Variants in B3GALT1 observed in about 807,000 individuals in gnomAD.
B3GALT1 encodes the protein UDP-Gal:betaGlcNAc beta 1,3-galactosyltransferase, polypeptide 1.
A neutral mutation model predicts 23.2 loss-of-function variants in B3GALT1; 10 were observed. The observed-to-expected ratio is 0.43, with a 90% CI of 0.27 to 0.73. B3GALT1 has a LOEUF of 0.73. Among genes scored for constraint, B3GALT1 ranks in the 30% least tolerant of loss-of-function variants. The pLI is 0.21. For synonymous variants in B3GALT1, 156 were observed against 141.5 expected (o/e 1.10, Z -0.73); for missense variants, 299 against 405.4 (o/e 0.74, Z 2.25).
intron 4 of B3GALT1, among the ~76,000 whole-genome samples, chr2:167,840,618 C>T (rs1365342137): frequency 5.3e-5 from 8 of 149,834 alleles, no homozygotes; most frequent in Non-Finnish European, 8.9e-5. Flanking sequence ...GTCAGTGTGG[C>T]GATTCCTCAG....
At chr2:167,393,926 T>G (rs928003220) in intron 1 of B3GALT1, among the ~76,000 whole-genome samples, 1 of 152,180 alleles carries the variant, frequency 6.6e-6, no homozygotes, top group African/African-American at 2.4e-5. Context: ...ACAATTTAAT[T>G]TTTACAATGT....
chr2:167,501,400 A>G (rs1699845744), intron 2 of B3GALT1, among the ~76,000 whole-genome samples: 1 of 152,126 alleles, frequency 6.6e-6, no homozygotes, highest in Non-Finnish European at 1.5e-5. Context: ...ATAATAATAC[A>G]TAAGATGTTC....
chr2:167,383,042 G>GATGTACACCTTGAATACCCTGACTTGATC, intron 1 of B3GALT1, among the ~76,000 whole-genome samples: 3 of 152,120 alleles, frequency 2.0e-5, no homozygotes, highest in African/African-American at 7.2e-5. Context: ...GTACTTGGAT[G>GATGTACACCTTGAATACCCTGACTTGATC]ATGTACACCT....
chr2:167,784,016 G>C (rs1163693014), intron 3 of B3GALT1, among the ~76,000 whole-genome samples: 1 of 152,180 alleles, frequency 6.6e-6, no homozygotes, highest in Non-Finnish European at 1.5e-5. Flanking sequence ...GAAGTAGATG[G>C]CTTTGAGGAA....
At chr2:167,778,907 G>T (rs1166977854) in intron 3 of B3GALT1, among the ~76,000 whole-genome samples, 1 of 152,180 alleles carries the variant, frequency 6.6e-6, no homozygotes, top group African/African-American at 2.4e-5. Context: ...CATTGGAAAG[G>T]TTAAGATACA....
intron 3 of B3GALT1, among the ~76,000 whole-genome samples, chr2:167,755,851 T>A (rs1406153105): frequency 6.6e-6 from 1 of 151,954 alleles, no homozygotes; most frequent in East Asian, 1.9e-4. Context: ...GGCACAATTT[T>A]GTGGTCCCAG....
intron 3 of B3GALT1, among the ~76,000 whole-genome samples, chr2:167,658,987 T>C (rs1320892536): frequency 6.6e-6 from 1 of 152,154 alleles, no homozygotes; most frequent in African/African-American, 2.4e-5. Flanking sequence ...ACTTTTTGTC[T>C]CGAGTTTTGT....
chr2:167,541,679 C>CCTGT (rs111231397), intron 2 of B3GALT1, among the ~76,000 whole-genome samples: 9,202 of 152,006 alleles, frequency 0.061, 589 homozygotes, highest in African/African-American at 0.16. Flanking sequence ...TTACTGGGGG[C>CCTGT]CTATTAGATT....
chr2:167,664,883 A>T (rs1456058496), intron 3 of B3GALT1, among the ~76,000 whole-genome samples: 3 of 150,242 alleles, frequency 2.0e-5, no homozygotes, highest in Non-Finnish European at 3.0e-5. Context: ...GGGGTTTTCT[A>T]GATATACAAT....
At chr2:167,677,384 A>G (rs1055555593) in intron 3 of B3GALT1, among the ~76,000 whole-genome samples, 2 of 152,242 alleles carry the variant, frequency 1.3e-5, no homozygotes, top group Non-Finnish European at 2.9e-5. Context: ...ACATGAAAAC[A>G]CACTATATAA....
At chr2:167,643,357 G>A (rs1685689049) in intron 2 of B3GALT1, among the ~76,000 whole-genome samples, 2 of 152,154 alleles carry the variant, frequency 1.3e-5, no homozygotes, top group Admixed American at 1.3e-4. Context: ...TGGATCAAAA[G>A]CCATCACAAC....
intron 3 of B3GALT1, among the ~76,000 whole-genome samples, chr2:167,758,513 G>A (rs964636417): frequency 3.3e-5 from 5 of 152,128 alleles, no homozygotes; most frequent in African/African-American, 1.2e-4. Context: ...TCCTCACTAA[G>A]GACACATCAG....
At chr2:167,804,568 A>G (rs1311532554) in intron 3 of B3GALT1, among the ~76,000 whole-genome samples, 1 of 152,000 alleles carries the variant, frequency 6.6e-6, no homozygotes, top group East Asian at 1.9e-4. Flanking sequence ...ATGAGTGAGA[A>G]CATGCGGTGT....
chr2:167,714,888 C>T lies in B3GALT1; in HGVS notation c.-352+67922C>T, dbSNP rs1687119390. On this transcript the variant is annotated intron_variant, in intron 3 of 4. Coordinates refer to ENST00000392690, the MANE Select transcript of B3GALT1 (RefSeq NM_020981.4). Reference sequence around the variant, plus strand: ...GTCAATTTCCTGTGGAGTGTCATTTCATTTTCTTGATATAGTTCAGTCATT... The same window carrying T: ...GTCAATTTCCTGTGGAGTGTCATTTTATTTTCTTGATATAGTTCAGTCATT... 6.2e-6 allele frequency: 10 copies of T among 1,609,806 alleles called. No individual in the cohort carries two copies. The South Asian group carries it at 6.6e-5, about 11-fold the overall frequency.
Position 167,460,287 on chromosome 2 carries a change from C to T in B3GALT1, c.-510-29890C>T, listed in dbSNP as rs114675848. Among the ~76,000 whole-genome samples, 293 of 152,256 alleles carry T rather than the reference C, an allele frequency of 1.9e-3. 2 individuals carry two copies. The highest frequency in any genetic ancestry group is 6.8e-3 in the African/African-American group (284 of 41,556). ...CCACAGGTCTCTTACGGTCTGTTCA[C>T]TTTTCTTCAGTCATTTTTCTATCTG... On this transcript the variant is annotated intron_variant, in intron 1 of 4. Transcript: ENST00000392690.
At chr2:167,679,806 T>C (rs1434240789) in intron 3 of B3GALT1, among the ~76,000 whole-genome samples, 2 of 152,272 alleles carry the variant, frequency 1.3e-5, no homozygotes, top group African/African-American at 4.8e-5. Context: ...GCCTGGCTCA[T>C]AGTATATACT....
chr2:167,444,535 C>T (rs543070635), intron 1 of B3GALT1, among the ~76,000 whole-genome samples: 4 of 152,274 alleles, frequency 2.6e-5, no homozygotes, highest in East Asian at 1.9e-4. Flanking sequence ...ATTATTGCCT[C>T]AATTTCAGAT....
chr2:167,670,662 G>A (rs1396763871), intron 3 of B3GALT1, among the ~76,000 whole-genome samples: 3 of 151,778 alleles, frequency 2.0e-5, no homozygotes. Flanking sequence ...AATGAAATAG[G>A]GAAAACAGTA....
chr2:167,724,404 A>G (rs901348488), intron 3 of B3GALT1, among the ~76,000 whole-genome samples: 1 of 152,142 alleles, frequency 6.6e-6, no homozygotes, highest in African/African-American at 2.4e-5. Flanking sequence ...CGGAAACCAA[A>G]CGTATTTGTT....
Sources: gnomAD v4.1 joint callset for allele counts (sites outside exome capture counted in the v4.1 genomes callset) on GRCh38, gnomAD v4.1.1 for gene constraint, MANE v1.5 for transcripts, NCBI Gene and HGNC (gene_info 2026-07-23, HGNC 2026-07-21) for gene names.